DRC8: variants seen among roughly 807,000 people sequenced by gnomAD.
DRC8 encodes dynein regulatory complex subunit 8.
the DRC8 span, among the ~76,000 whole-genome samples, chr1:245,119,748 A>G: frequency 6.6e-6 from 1 of 152,054 alleles, no homozygotes; most frequent in East Asian, 1.9e-4. Context: ...CCTGGCTAAC[A>G]TGGTGAAGCC....
chr1:244,975,140 C>T, the DRC8 span, among the ~76,000 whole-genome samples: 1 of 152,086 alleles, frequency 6.6e-6, no homozygotes, highest in Non-Finnish European at 1.5e-5. Flanking sequence ...CCGTATTAGC[C>T]AGGATGGTCT....
chr1:245,013,646 CT>C, the DRC8 span, among the ~76,000 whole-genome samples: 1 of 152,054 alleles, frequency 6.6e-6, no homozygotes, highest in Non-Finnish European at 1.5e-5. Flanking sequence ...CAGGCAGTCA[CT>C]AAAAATAATA....
the DRC8 span, among the ~76,000 whole-genome samples, chr1:245,020,532 CTATTTTCATAAT>C: frequency 6.7e-6 from 1 of 149,902 alleles, no homozygotes; most frequent in Admixed American, 6.6e-5. Context: ...GAAGTCATAA[CTATTTTCATAAT>C]AAATTTAAGA....
the DRC8 span, among the ~76,000 whole-genome samples, chr1:245,089,233 T>C: frequency 1.3e-5 from 2 of 152,144 alleles, no homozygotes; most frequent in African/African-American, 4.8e-5. The surrounding 1 kb of genome is among the most constrained non-coding windows in gnomAD (Gnocchi z 4.8). Flanking sequence ...AATGATGAGG[T>C]TGGGTGCAGA....
the DRC8 span, among the ~76,000 whole-genome samples, chr1:245,048,912 C>G: frequency 6.6e-6 from 1 of 152,078 alleles, no homozygotes; most frequent in Non-Finnish European, 1.5e-5. Flanking sequence ...AAGTGGTCCT[C>G]CCACCCCAGT....
chr1:245,103,249 G>C, the DRC8 span, among the ~76,000 whole-genome samples: 44 of 8,896 alleles, frequency 4.9e-3, no homozygotes, highest in African/African-American at 0.035. Flanking sequence ...GTGAGGCTGA[G>C]GAGGATCAGA....
the DRC8 span, chr1:245,122,454 C>T: frequency 6.5e-6 from 1 of 152,682 alleles, no homozygotes; most frequent in Admixed American, 6.5e-5. Flanking sequence ...CAACACTCAC[C>T]ATCCCCTCCC....
the DRC8 span, among the ~76,000 whole-genome samples, chr1:245,041,228 A>T: frequency 5.8e-4 from 89 of 152,284 alleles, no homozygotes; most frequent in African/African-American, 2.0e-3. Flanking sequence ...CAAAGAGGAT[A>T]GTGTACCTGT....
At chr1:244,982,341 T>C in the DRC8 span, among the ~76,000 whole-genome samples, 1 of 152,120 alleles carries the variant, frequency 6.6e-6, no homozygotes, top group Admixed American at 6.6e-5. Flanking sequence ...TTTGTAATTA[T>C]CAAGGAATTT....
At chr1:245,104,217 C>G in the DRC8 span, among the ~76,000 whole-genome samples, 6 of 152,134 alleles carry the variant, frequency 3.9e-5, no homozygotes, top group Admixed American at 1.3e-4. Flanking sequence ...AGAGTAGGAT[C>G]AATGGGCCGG....
chr1:245,064,014 C>T, the DRC8 span, among the ~76,000 whole-genome samples: 3,187 of 152,196 alleles, frequency 0.021, 52 homozygotes, highest in Non-Finnish European at 0.035. Context: ...TGACCAACCA[C>T]GCCCGGCCCA....
the DRC8 span, chr1:245,083,817 T>C: frequency 3.7e-6 from 5 of 1,365,770 alleles, no homozygotes; most frequent in Admixed American, 1.4e-4. Context: ...CTGTTCCTGC[T>C]ATTTTGGCTT....
At chr1:245,028,721 A>G in the DRC8 span, among the ~76,000 whole-genome samples, 1 of 152,196 alleles carries the variant, frequency 6.6e-6, no homozygotes, top group Non-Finnish European at 1.5e-5. Flanking sequence ...TGAATAGATA[A>G]TATGTTCACA....
chr1:245,095,894 A>G, the DRC8 span, among the ~76,000 whole-genome samples: 1 of 152,232 alleles, frequency 6.6e-6, no homozygotes, highest in Non-Finnish European at 1.5e-5. Context: ...TCTGTCCTGC[A>G]GAAAGATTGT....
At chr1:244,996,129 G>A in the DRC8 span, among the ~76,000 whole-genome samples, 1 of 152,204 alleles carries the variant, frequency 6.6e-6, no homozygotes, top group African/African-American at 2.4e-5. Flanking sequence ...TCTCTCATGA[G>A]GTTGTAGTCA....
the DRC8 span, among the ~76,000 whole-genome samples, chr1:245,079,311 A>G: frequency 6.6e-6 from 1 of 152,154 alleles, no homozygotes; most frequent in African/African-American, 2.4e-5. Context: ...TTCTAACCAC[A>G]AGTCCTGTTT....
chr1:245,066,838 C>T, the DRC8 span, among the ~76,000 whole-genome samples: 7 of 151,902 alleles, frequency 4.6e-5, no homozygotes, highest in African/African-American at 1.2e-4. Flanking sequence ...ACCCGGGAGG[C>T]GGAGCTTGCA....
At chr1:245,002,332 T>G in the DRC8 span, 1 of 924,854 alleles carries the variant, frequency 1.1e-6, no homozygotes, top group South Asian at 1.4e-5. Context: ...TCCTCATTGA[T>G]TATACATCTA....
the DRC8 span, among the ~76,000 whole-genome samples, chr1:245,047,296 T>C: frequency 6.6e-6 from 1 of 152,228 alleles, no homozygotes; most frequent in African/African-American, 2.4e-5. Flanking sequence ...ATATGGATTA[T>C]CTACTGTATT....
Sources: allele counts gnomAD v4.1 joint callset (sites outside exome capture counted in the v4.1 genomes callset), GRCh38; gene constraint gnomAD v4.1.1; non-coding constraint Gnocchi (gnomAD v3.1); transcripts MANE v1.5; gene names NCBI Gene and HGNC (gene_info 2026-07-23, HGNC 2026-07-21).